The following ADGRE1 variants were observed in gnomAD, a reference collection of about 807,000 sequenced individuals.
ADGRE1 encodes EGF-like module receptor 1.
In ADGRE1, 82 loss-of-function variants were observed where a neutral mutation model predicts 102.7. The ratio of observed to expected loss-of-function variants is 0.80; its 90% confidence interval spans 0.67 to 0.96. The LOEUF (loss-of-function observed/expected upper bound fraction) is 0.96. ADGRE1 is among the 40% of genes least tolerant of loss of function. The pLI is 0.00. For missense variants in ADGRE1, 1,032 were observed against 1,085.3 expected, an observed-to-expected ratio of 0.95 and a Z score of 0.69; for synonymous variants, 398 against 399.6, an observed-to-expected ratio of 1.00 and a Z score of 0.05.
At chr19:6,889,570 T>C (rs1355491581) in intron 1 of ADGRE1, among the ~76,000 whole-genome samples, 1 of 150,232 alleles carries the variant, frequency 6.7e-6, no homozygotes, top group African/African-American at 2.5e-5. Context: ...GTGCTTGTAA[T>C]CCCAGCTACT....
intron 10 of ADGRE1, among the ~76,000 whole-genome samples, chr19:6,911,121 A>G (rs929159492): frequency 6.6e-6 from 1 of 152,142 alleles, no homozygotes; most frequent in African/African-American, 2.4e-5. Flanking sequence ...TGTTTCTGCT[A>G]TGTCAGTGGG....
intron 2 of ADGRE1, chr19:6,891,242 T>C (rs1161684323): frequency 1.3e-5 from 2 of 152,128 alleles, no homozygotes; most frequent in Non-Finnish European, 2.9e-5. Context: ...TAAGACATAA[T>C]TTTGCTCCTC....
At chr19:6,906,103 A>C (rs1973942123) in intron 8 of ADGRE1, among the ~76,000 whole-genome samples, 1 of 152,160 alleles carries the variant, frequency 6.6e-6, no homozygotes, top group African/African-American at 2.4e-5. Flanking sequence ...TTCACTCAAT[A>C]TCATGCCTCT....
intron 9 of ADGRE1, 48 bp downstream of exon 9, chr19:6,906,569 A>G (rs1403212533): frequency 1.9e-6 from 3 of 1,545,498 alleles, no homozygotes; most frequent in Non-Finnish European, 1.8e-6. Flanking sequence ...CTTAGAAGCC[A>G]TTTAGGTAGA....
Position 6,901,868 on chromosome 19 carries a change from T to C in ADGRE1, c.515-7T>C. ...CCTTGACCTGGGTTTTCTCTTCCAC[T>C]CTTCAGACGTGGATGAATGTGCAGA... On this transcript the variant is annotated splice_region_variant and splice_polypyrimidine_tract_variant and intron_variant, in intron 5 of 20. Coordinates refer to ENST00000312053, the MANE Select transcript of ADGRE1 (RefSeq NM_001974.5). 1 of 1,613,422 alleles carries C rather than the reference T, an allele frequency of 6.2e-7. No homozygotes were observed. Among genetic ancestry groups the C allele is most frequent in the South Asian group, 1.1e-5 (1 of 91,038 alleles).
At position 6,919,533 on chromosome 19, in the gene ADGRE1, TGGGGA is replaced by T; in HGVS notation, c.1421-14_1421-10del. The T allele has an allele frequency of 6.2e-7, 1 of 1,608,392 alleles. No homozygotes were observed. Among genetic ancestry groups the T allele is most frequent in the Middle Eastern group, 1.9e-4 (1 of 5,362 alleles). ...AAACGATTCCTTCCTTTTTTTCATT[TGGGGA>T]AACCTGCAGAGACCACTGGTGTGGC... On this transcript the variant is annotated splice_polypyrimidine_tract_variant and intron_variant, in intron 12 of 20. Coordinates refer to ENST00000312053, the MANE Select transcript of ADGRE1 (RefSeq NM_001974.5).
intron 2 of ADGRE1, among the ~76,000 whole-genome samples, chr19:6,892,138 A>T (rs1281413337): frequency 6.6e-6 from 1 of 152,188 alleles, no homozygotes; most frequent in Non-Finnish European, 1.5e-5. Context: ...GGAAGTCTGC[A>T]TAGAGAAATG....
chr19:6,895,874 T>A (rs886540729), intron 2 of ADGRE1: 1 of 152,396 alleles, frequency 6.6e-6, no homozygotes, highest in African/African-American at 2.4e-5. Context: ...TAAATATGAT[T>A]GGTTGCTGTA....
In ADGRE1 at chr19:6,889,517, C is replaced by T. The variant is rs531756173; in HGVS notation, c.32-964C>T. Among the ~76,000 whole-genome samples, 19 of 151,652 alleles carry T rather than the reference C, an allele frequency of 1.3e-4. No individual in the cohort carries two copies. The South Asian group carries it at 3.8e-3, about 30-fold the overall frequency. On this transcript the variant is annotated intron_variant, in intron 1 of 20. Coordinates refer to ENST00000312053, the MANE Select transcript of ADGRE1 (RefSeq NM_001974.5). ...CATCCTGGCCAACATGGAGAAACCC[C>T]GTTTCTACTAAAAATGCAAAAATTA...
At chr19:6,903,710 C>G (rs1352349012) in intron 6 of ADGRE1, 100 bp from the exon 7 acceptor site, 1 of 1,490,412 alleles carries the variant, frequency 6.7e-7, no homozygotes, top group Non-Finnish European at 9.2e-7. Context: ...GGCTGGGACA[C>G]CATTTTCTAG....
intron 16 of ADGRE1, among the ~76,000 whole-genome samples, chr19:6,926,867 C>A (rs982791522): frequency 6.7e-6 from 1 of 148,870 alleles, no homozygotes; most frequent in Non-Finnish European, 1.5e-5. Context: ...CCTTTTCTTG[C>A]GTGTATGACA....
intron 16 of ADGRE1, among the ~76,000 whole-genome samples, chr19:6,927,819 G>T (rs1022588837): frequency 2.0e-5 from 3 of 151,966 alleles, no homozygotes; most frequent in Non-Finnish European, 4.4e-5. Flanking sequence ...GAGACCCCAC[G>T]CCCGGCCTGA....
At chr19:6,931,387 T>C (rs572518622) in intron 17 of ADGRE1, among the ~76,000 whole-genome samples, 2 of 152,272 alleles carry the variant, frequency 1.3e-5, no homozygotes, top group African/African-American at 2.4e-5. Context: ...CAGAGACTTG[T>C]TGTTTCACAG....
intron 11 of ADGRE1, among the ~76,000 whole-genome samples, chr19:6,914,041 A>G (rs1185186426): frequency 3.9e-5 from 6 of 152,262 alleles, no homozygotes; most frequent in Non-Finnish European, 8.8e-5. Flanking sequence ...AGACCATATC[A>G]TTAATTTATT....
At chr19:6,915,991 T>G (rs962902867) in intron 11 of ADGRE1, among the ~76,000 whole-genome samples, 9 of 151,774 alleles carry the variant, frequency 5.9e-5, no homozygotes. Context: ...ACTGTTGACT[T>G]TGACCCCATC....
chr19:6,900,215 C>T (rs530944356), intron 5 of ADGRE1, among the ~76,000 whole-genome samples: 84 of 151,982 alleles, frequency 5.5e-4, no homozygotes, highest in Middle Eastern at 6.8e-3. Flanking sequence ...TGGCTCACAC[C>T]TGTAATACCA....
At chr19:6,918,019 G>T (rs1172562290) in intron 12 of ADGRE1, among the ~76,000 whole-genome samples, 1 of 152,146 alleles carries the variant, frequency 6.6e-6, no homozygotes, top group Non-Finnish European at 1.5e-5. Flanking sequence ...AGGGAGAAGT[G>T]GGGAGAAGAC....
At chr19:6,939,491 G>A (rs1002162321) in intron 20 of ADGRE1, among the ~76,000 whole-genome samples, 61 of 152,222 alleles carry the variant, frequency 4.0e-4, no homozygotes, top group African/African-American at 1.4e-3. Flanking sequence ...TAGTGGTGTT[G>A]TAAAGGCTCT....
chr19:6,911,399 T>TTGTTTTG (rs1974174146), intron 10 of ADGRE1, among the ~76,000 whole-genome samples: 1 of 146,032 alleles, frequency 6.8e-6, no homozygotes, highest in African/African-American at 2.5e-5. Flanking sequence ...TTTTTTTTTT[T>TTGTTTTG]TTTTTTGCTT....
Sources: gnomAD v4.1 joint callset for allele counts (sites outside exome capture counted in the v4.1 genomes callset) on GRCh38, gnomAD v4.1.1 for gene constraint, MANE v1.5 for transcripts, NCBI Gene and HGNC (gene_info 2026-07-23, HGNC 2026-07-21) for gene names.